Variants in GABRA1 observed in about 807,000 individuals in gnomAD.
The protein encoded by GABRA1 is gamma-aminobutyric acid receptor subunit alpha-1.
In GABRA1, 9 loss-of-function variants were observed where a neutral mutation model predicts 48.9. The ratio of observed to expected loss-of-function variants is 0.18; its 90% confidence interval spans 0.11 to 0.32. The LOEUF (loss-of-function observed/expected upper bound fraction) is 0.32. Ranked by LOEUF, GABRA1 falls within the 10% of genes least tolerant of loss-of-function variation. GABRA1 has a pLI of 1.00. For missense variants in GABRA1, 285 were observed against 553.8 expected, an observed-to-expected ratio of 0.51 and a Z score of 4.87; for synonymous variants, 210 against 198.7, an observed-to-expected ratio of 1.06 and a Z score of -0.48.
intron 2 of GABRA1, among the ~76,000 whole-genome samples, chr5:161,851,288 A>G (rs1757437541): frequency 6.6e-6 from 1 of 152,170 alleles, no homozygotes; most frequent in South Asian, 2.1e-4. Context: ...TTTTGTGTTT[A>G]TAGAAATGGA....
chr5:161,888,091 C>G (rs1480222808), intron 7 of GABRA1, among the ~76,000 whole-genome samples: 2 of 152,054 alleles, frequency 1.3e-5, no homozygotes, highest in Admixed American at 1.3e-4. Context: ...AATATTGTCA[C>G]ATCTAATTTG....
chr5:161,860,166 C>CCAT (rs1212695285), intron 3 of GABRA1, among the ~76,000 whole-genome samples: 1 of 151,916 alleles, frequency 6.6e-6, no homozygotes, highest in Non-Finnish European at 1.5e-5. Flanking sequence ...CTGAGGTCTA[C>CCAT]CATCAGCTCA....
intron 4 of GABRA1, among the ~76,000 whole-genome samples, chr5:161,868,303 C>T (rs1319757794): frequency 6.6e-6 from 1 of 152,068 alleles, no homozygotes; most frequent in Non-Finnish European, 1.5e-5. Flanking sequence ...CTGGGGTGTA[C>T]ATTATGCATG....
intron 4 of GABRA1, among the ~76,000 whole-genome samples, chr5:161,870,175 C>G (rs1442329179): frequency 6.6e-6 from 1 of 152,058 alleles, no homozygotes; most frequent in Non-Finnish European, 1.5e-5. Context: ...AAATAATTAC[C>G]TAAGGCCACT....
At chr5:161,858,732 G>C (rs1757744302) in intron 3 of GABRA1, among the ~76,000 whole-genome samples, 1 of 151,782 alleles carries the variant, frequency 6.6e-6, no homozygotes, top group African/African-American at 2.4e-5. Context: ...CTGAAGGAAT[G>C]AGGTCTTGAG....
chr5:161,851,026 A>G (rs529342757), intron 2 of GABRA1, 142 bp downstream of exon 2: 72 of 731,072 alleles, frequency 9.8e-5, no homozygotes, highest in Non-Finnish European at 1.6e-4. Context: ...AGCTAAGAAT[A>G]AAGAGGAGCA....
At chr5:161,874,465 T>C (rs952990633) in intron 5 of GABRA1, among the ~76,000 whole-genome samples, 3 of 152,042 alleles carry the variant, frequency 2.0e-5, no homozygotes, top group African/African-American at 7.2e-5. Flanking sequence ...TGAAACACCA[T>C]ACACTTGGCT....
rs1581200036 is a variant in GABRA1 at position 161,875,431 on chromosome 5, G to A, written c.477-129G>A. The stretch of plus-strand genomic sequence containing the variant: ...TTTTTAGATCATTTGATTATTAACA[G>A]CTCAGCATAACCCTGCAATTATGCC... On this transcript the variant is annotated intron_variant, in intron 5 of 9. Coordinates refer to ENST00000393943, the MANE Select transcript of GABRA1 (RefSeq NM_001127644.2). 4.0e-6 allele frequency: 3 copies of A among 752,126 alleles called. No individual in the cohort carries two copies. The East Asian group carries it at 7.6e-5, about 19-fold the overall frequency. 46.6% of individuals were successfully genotyped at this position (752,126 alleles called of 1,614,324 possible). A position where few individuals can be genotyped will look rare whatever the true frequency, so the allele number is the denominator to read the frequency against.
chr5:161,893,172 T>C (rs996055538), intron 8 of GABRA1, among the ~76,000 whole-genome samples: 2 of 152,018 alleles, frequency 1.3e-5, no homozygotes, highest in East Asian at 1.9e-4. Flanking sequence ...TCTACTCTTT[T>C]GATTTGAAAA....
chr5:161,871,461 A>T lies in GABRA1; in HGVS notation c.256-1656A>T, dbSNP rs570261031. ...TACCTCACAAGCTTGTCTGTCATCC[A>T]GAGAGGAAAACCTGCACATCCTGAG... On this transcript the variant is annotated intron_variant, in intron 4 of 9. Coordinates refer to ENST00000393943, the MANE Select transcript of GABRA1 (RefSeq NM_001127644.2). Among the ~76,000 whole-genome samples, 6 of 152,298 alleles carry T rather than the reference A, an allele frequency of 3.9e-5. No homozygotes were observed. In the East Asian group the frequency reaches 1.2e-3, roughly 29 times the overall value.
At chr5:161,882,364 G>C in intron 6 of GABRA1, 194 bp from the exon 7 acceptor site, 1 of 561,112 alleles carries the variant, frequency 1.8e-6, no homozygotes, top group Non-Finnish European at 3.0e-6. Flanking sequence ...TGTTGGAAGA[G>C]TGAATAAATG....
intron 6 of GABRA1, among the ~76,000 whole-genome samples, chr5:161,880,202 C>T (rs934217982): frequency 1.1e-4 from 17 of 152,024 alleles, no homozygotes; most frequent in Non-Finnish European, 1.9e-4. Context: ...GTTTACCATC[C>T]GTAAAATGCA....
At chr5:161,894,415 GTCT>G (rs1755267290) in intron 8 of GABRA1, among the ~76,000 whole-genome samples, 1 of 152,122 alleles carries the variant, frequency 6.6e-6, no homozygotes, top group Non-Finnish European at 1.5e-5. Context: ...CCTCATGATA[GTCT>G]TTTGAGTGAG....
chr5:161,858,915 G>T (rs938495398), intron 3 of GABRA1, among the ~76,000 whole-genome samples: 4 of 151,748 alleles, frequency 2.6e-5, no homozygotes, highest in Admixed American at 1.3e-4. Context: ...CATAGATAAA[G>T]ACAGCAAAGG....
chr5:161,874,747 T>C lies in GABRA1; in HGVS notation c.477-813T>C, dbSNP rs77841423. ...ATGATTGACTATAAATCTATCTTAC[T>C]ACGTTTCTTGAGCTACTTAATAATA... On this transcript the variant is annotated intron_variant, in intron 5 of 9. Coordinates refer to ENST00000393943, the MANE Select transcript of GABRA1 (RefSeq NM_001127644.2). Among the ~76,000 whole-genome samples, 141 of 152,276 alleles carry C rather than the reference T, an allele frequency of 9.3e-4. 4 individuals carry two copies. In the East Asian group the frequency reaches 0.025, roughly 27 times the overall value.
At chr5:161,855,179 A>G (rs1370221601) in intron 3 of GABRA1, among the ~76,000 whole-genome samples, 3 of 151,652 alleles carry the variant, frequency 2.0e-5, no homozygotes, top group Non-Finnish European at 4.4e-5. Flanking sequence ...AAATGGCAAT[A>G]TTAAGACAGC....
chr5:161,863,271 A>G (rs1757930067), intron 3 of GABRA1, among the ~76,000 whole-genome samples: 1 of 151,938 alleles, frequency 6.6e-6, no homozygotes, highest in South Asian at 2.1e-4. Flanking sequence ...CTATTCTTGA[A>G]TTGCTATAGA....
intron 5 of GABRA1, among the ~76,000 whole-genome samples, chr5:161,875,241 C>T (rs1754295297): frequency 6.6e-6 from 1 of 152,142 alleles, no homozygotes; most frequent in Non-Finnish European, 1.5e-5. Context: ...TATTTGCTTA[C>T]ATCTAGTGTT....
chr5:161,849,605 T>C (rs1405262317), intron 1 of GABRA1, among the ~76,000 whole-genome samples: 3 of 152,178 alleles, frequency 2.0e-5, no homozygotes, highest in Non-Finnish European at 4.4e-5. Flanking sequence ...GAAAGCATTT[T>C]GTAGATGTAT....
Sources: gnomAD v4.1 joint callset for allele counts (sites outside exome capture counted in the v4.1 genomes callset) on GRCh38, gnomAD v4.1.1 for gene constraint, MANE v1.5 for transcripts, NCBI Gene and HGNC (gene_info 2026-07-23, HGNC 2026-07-21) for gene names.